Variants in DPP10 observed in about 807,000 individuals in gnomAD.
The protein encoded by DPP10 is dipeptidyl peptidase like 10.
In DPP10, 33 loss-of-function variants were observed where a neutral mutation model predicts 120.9. That is an observed-to-expected ratio of 0.27 (90% CI 0.21 to 0.37). The LOEUF (loss-of-function observed/expected upper bound fraction) is 0.37. DPP10 is among the 10% of genes least tolerant of loss of function. The pLI is 1.00. For synonymous variants in DPP10, 337 were observed against 326.1 expected (o/e 1.03, Z -0.36); for missense variants, 816 against 942.8 (o/e 0.87, Z 1.76).
intron 1 of DPP10, among the ~76,000 whole-genome samples, chr2:114,641,677 C>T (rs1039218324): frequency 2.6e-5 from 4 of 151,750 alleles, no homozygotes; most frequent in South Asian, 2.1e-4. Flanking sequence ...TTTAAAAGTC[C>T]AGATAAAAGC....
chr2:115,359,082 T>A (rs2064600814), intron 3 of DPP10, among the ~76,000 whole-genome samples: 1 of 152,170 alleles, frequency 6.6e-6, no homozygotes, highest in African/African-American at 2.4e-5. Context: ...TAGCATTTCA[T>A]CCAACTTGCC....
At chr2:115,179,981 C>T (rs1190695756) in intron 1 of DPP10, among the ~76,000 whole-genome samples, 1 of 152,074 alleles carries the variant, frequency 6.6e-6, no homozygotes, top group Non-Finnish European at 1.5e-5. Context: ...AATCAAATAA[C>T]CTCTTTTCTC....
At chr2:114,785,481 T>C (rs189972460) in intron 1 of DPP10, among the ~76,000 whole-genome samples, 7 of 152,264 alleles carry the variant, frequency 4.6e-5, no homozygotes, top group Admixed American at 3.9e-4. Flanking sequence ...GGCAAGAAGA[T>C]AGTATCCTGA....
rs114662071 is a variant in DPP10 at position 114,952,770 on chromosome 2, G to T, written c.61-356469G>T. On this transcript the variant is annotated intron_variant, in intron 1 of 25. Transcript: ENST00000410059. ...ATCAGGAGGAGGTAAAATTTGGCCA[G>T]TGTAGGTCTAGGTACACAGTAGTTG... 9.6e-3 allele frequency among the ~76,000 whole-genome samples: 1,464 copies of T among 152,306 alleles called. 28 individuals are homozygous for T. The highest frequency in any genetic ancestry group is 0.034 in the African/African-American group (1,395 of 41,562).
chr2:115,699,052 A>AAAAAAC (rs2091760937), intron 7 of DPP10, among the ~76,000 whole-genome samples: 6 of 143,242 alleles, frequency 4.2e-5, no homozygotes, highest in African/African-American at 1.5e-4. Context: ...AAAAAAAACA[A>AAAAAAC]GAGAAGACTC....
At chr2:114,541,991 A>T (rs1056210891) in intron 1 of DPP10, among the ~76,000 whole-genome samples, 8 of 151,732 alleles carry the variant, frequency 5.3e-5, no homozygotes, top group South Asian at 4.2e-4. Context: ...GATTTTTTTT[A>T]AAAAACCAGT....
At chr2:115,330,492 G>A (rs1378609445) in intron 2 of DPP10, among the ~76,000 whole-genome samples, 1 of 151,798 alleles carries the variant, frequency 6.6e-6, no homozygotes, top group Admixed American at 6.6e-5. Flanking sequence ...TGGTGTTTTA[G>A]ACATGAAGTC....
chr2:114,836,650 T>C (rs1687763159), intron 1 of DPP10, among the ~76,000 whole-genome samples: 1 of 152,120 alleles, frequency 6.6e-6, no homozygotes, highest in Non-Finnish European at 1.5e-5. Context: ...CATTGATAAC[T>C]TCTTATCAGG....
intron 3 of DPP10, among the ~76,000 whole-genome samples, chr2:115,383,448 C>G (rs2066585172): frequency 6.6e-6 from 1 of 152,152 alleles, no homozygotes; most frequent in South Asian, 2.1e-4. Flanking sequence ...TGTAAATTGC[C>G]CAGTCTTGGG....
chr2:114,832,029 A>G (rs2139411), intron 1 of DPP10, among the ~76,000 whole-genome samples: 106,904 of 151,548 alleles, frequency 0.71, 38,285 homozygotes, highest in South Asian at 0.78. Flanking sequence ...TAAATGAGTG[A>G]CATCTTTGCT....
intron 1 of DPP10, among the ~76,000 whole-genome samples, chr2:115,196,536 T>G (rs1460009053): frequency 6.6e-6 from 1 of 152,232 alleles, no homozygotes; most frequent in Non-Finnish European, 1.5e-5. Flanking sequence ...AATGTATTTG[T>G]AATTTTTTTC....
intron 1 of DPP10, among the ~76,000 whole-genome samples, chr2:114,554,297 G>A (rs761738372): frequency 5.9e-5 from 9 of 152,182 alleles, no homozygotes; most frequent in South Asian, 4.1e-4. Flanking sequence ...AGATGCCAGC[G>A]CTTGGCTCAG....
intron 3 of DPP10, among the ~76,000 whole-genome samples, chr2:115,380,653 G>T (rs2066251738): frequency 6.6e-6 from 1 of 151,982 alleles, no homozygotes; most frequent in Admixed American, 6.6e-5. Flanking sequence ...AGTCTCGATG[G>T]TCTTTACATT....
At chr2:114,717,054 G>A (rs1001338347) in intron 1 of DPP10, among the ~76,000 whole-genome samples, 3 of 152,212 alleles carry the variant, frequency 2.0e-5, no homozygotes, top group Admixed American at 6.5e-5. Flanking sequence ...CTTGCACAGA[G>A]GGTTCATTCA....
At chr2:114,610,447 C>T (rs1445278110) in intron 1 of DPP10, among the ~76,000 whole-genome samples, 1 of 152,094 alleles carries the variant, frequency 6.6e-6, no homozygotes, top group Non-Finnish European at 1.5e-5. Context: ...AAATAGTGAA[C>T]ATGTTCCTGA....
chr2:115,565,066 A>G (rs2080915288), intron 5 of DPP10, among the ~76,000 whole-genome samples: 1 of 152,188 alleles, frequency 6.6e-6, no homozygotes, highest in African/African-American at 2.4e-5. Flanking sequence ...TGAAAATGTT[A>G]TATACCAGAA....
intron 1 of DPP10, among the ~76,000 whole-genome samples, chr2:114,934,445 G>A (rs930636653): frequency 5.9e-5 from 9 of 152,164 alleles, no homozygotes; most frequent in Non-Finnish European, 1.3e-4. Context: ...TACACATTAA[G>A]TGGGAGTGAA....
rs1019990618 is a variant in DPP10, at chr2:114,693,493, C to G, written c.60+250655C>G. ...CCTTTGTAGGTGATCTGGACTTTCT[C>G]TCTGGCTGCCCTTAACATTTTTTCT... On this transcript the variant is annotated intron_variant, in intron 1 of 25. Transcript: ENST00000410059. Among the ~76,000 whole-genome samples, 21 of 151,900 alleles carry G rather than the reference C, an allele frequency of 1.4e-4. 1 individual carries two copies. The highest frequency in any genetic ancestry group is 3.3e-4 in the Admixed American group (5 of 15,230).
At chr2:115,047,122 C>T (rs1396432368) in intron 1 of DPP10, among the ~76,000 whole-genome samples, 1 of 151,968 alleles carries the variant, frequency 6.6e-6, no homozygotes, top group Non-Finnish European at 1.5e-5. Flanking sequence ...CGTTTGTATA[C>T]AGTTCCATTA....
Sources: gnomAD v4.1 joint callset for allele counts (sites outside exome capture counted in the v4.1 genomes callset) on GRCh38, gnomAD v4.1.1 for gene constraint, MANE v1.5 for transcripts, NCBI Gene and HGNC (gene_info 2026-07-23, HGNC 2026-07-21) for gene names.